The following SLC2A13 variants were observed in gnomAD, a reference collection of about 807,000 sequenced individuals.
SLC2A13 encodes solute carrier family 2 member 13, also known as proton myo-inositol cotransporter.
In SLC2A13, 32 loss-of-function variants were observed where a neutral mutation model predicts 64.4. That is an observed-to-expected ratio of 0.50 (90% CI 0.37 to 0.67). The LOEUF is 0.67. Among genes scored for constraint, SLC2A13 ranks in the 30% least tolerant of loss-of-function variants. SLC2A13 has a pLI of 0.00. For synonymous variants in SLC2A13, 338 were observed against 327.1 expected (o/e 1.03, Z -0.36); for missense variants, 743 against 829.2 (o/e 0.90, Z 1.28).
chr12:40,027,649 A>T (rs1466555513), intron 3 of SLC2A13, among the ~76,000 whole-genome samples: 1 of 152,254 alleles, frequency 6.6e-6, no homozygotes, highest in Non-Finnish European at 1.5e-5. Flanking sequence ...TCTCCCCTTG[A>T]GCTAACAATG....
chr12:40,082,519 G>A (rs567110856), intron 1 of SLC2A13, among the ~76,000 whole-genome samples: 2 of 152,350 alleles, frequency 1.3e-5, no homozygotes, highest in East Asian at 3.9e-4. Flanking sequence ...GCAAGCAGGT[G>A]TGGCCAGGCA....
At chr12:40,041,264 G>A (rs1948084796) in intron 2 of SLC2A13, among the ~76,000 whole-genome samples, 1 of 152,036 alleles carries the variant, frequency 6.6e-6, no homozygotes, top group African/African-American at 2.4e-5. Flanking sequence ...CCAAAGGCCG[G>A]CCTTCCCACT....
intron 1 of SLC2A13, among the ~76,000 whole-genome samples, chr12:40,083,531 A>G (rs1405079460): frequency 6.6e-6 from 1 of 152,172 alleles, no homozygotes; most frequent in East Asian, 1.9e-4. Flanking sequence ...CCATAGTGCT[A>G]TACTACTGCC....
At chr12:39,847,494 A>G (rs1943350002) in intron 6 of SLC2A13, among the ~76,000 whole-genome samples, 1 of 152,090 alleles carries the variant, frequency 6.6e-6, no homozygotes, top group African/African-American at 2.4e-5. Flanking sequence ...TTCAGCTGGG[A>G]AGAGCTGCTC....
At chr12:39,775,070 C>A (rs545122278) in intron 7 of SLC2A13, among the ~76,000 whole-genome samples, 6 of 152,266 alleles carry the variant, frequency 3.9e-5, no homozygotes, top group African/African-American at 1.2e-4. Context: ...TAGGAAACCA[C>A]TTAAATGGGA....
At chr12:39,998,049 T>C (rs1342559995) in intron 3 of SLC2A13, among the ~76,000 whole-genome samples, 1 of 152,106 alleles carries the variant, frequency 6.6e-6, no homozygotes, top group African/African-American at 2.4e-5. Flanking sequence ...GAAGTTATTA[T>C]ACAAAAAAGA....
chr12:39,811,030 A>G (rs927306360), intron 7 of SLC2A13, among the ~76,000 whole-genome samples: 7 of 152,118 alleles, frequency 4.6e-5, no homozygotes, highest in African/African-American at 1.4e-4. Flanking sequence ...TATCTGGTTT[A>G]ATTCACCAAT....
chr12:39,787,909 G>C lies in SLC2A13; in HGVS notation c.1446-23051C>G, dbSNP rs1941248164. 2.0e-5 allele frequency among the ~76,000 whole-genome samples: 3 copies of C among 152,118 alleles called. No individual in the cohort carries two copies. In the South Asian group the frequency reaches 6.2e-4, roughly 31 times the overall value. On this transcript the variant is annotated intron_variant, in intron 7 of 9. Transcript: ENST00000280871. Reference sequence around the variant, plus strand: ...ATGTAAAGAGTGGTATTGATGAAAAGAGCAGTATTGTCACCTACAAAATGT... The same window carrying C: ...ATGTAAAGAGTGGTATTGATGAAAACAGCAGTATTGTCACCTACAAAATGT...
intron 7 of SLC2A13, among the ~76,000 whole-genome samples, chr12:39,825,437 T>C (rs758737815): frequency 1.3e-5 from 2 of 152,188 alleles, no homozygotes; most frequent in Non-Finnish European, 2.9e-5. Context: ...CTATAAGAAG[T>C]GGACTTACTG....
intron 6 of SLC2A13, among the ~76,000 whole-genome samples, chr12:39,859,870 C>T (rs1477409282): frequency 6.6e-6 from 1 of 152,048 alleles, no homozygotes; most frequent in Non-Finnish European, 1.5e-5. Context: ...GAACTAGAGG[C>T]ATAGTCCCTT....
At chr12:40,024,455 C>T (rs1467426511) in intron 3 of SLC2A13, among the ~76,000 whole-genome samples, 1 of 152,198 alleles carries the variant, frequency 6.6e-6, no homozygotes, top group African/African-American at 2.4e-5. Flanking sequence ...AACAGTCTTC[C>T]CTCCAGTTCT....
At chr12:40,082,846 C>T (rs941109547) in intron 1 of SLC2A13, among the ~76,000 whole-genome samples, 1 of 152,182 alleles carries the variant, frequency 6.6e-6, no homozygotes, top group Non-Finnish European at 1.5e-5. Context: ...TTTCACTCGC[C>T]CATTCCCCAG....
intron 4 of SLC2A13, among the ~76,000 whole-genome samples, chr12:39,920,333 A>C (rs907785940): frequency 1.3e-5 from 2 of 152,132 alleles, no homozygotes; most frequent in South Asian, 2.1e-4. Flanking sequence ...GTTCTGAACA[A>C]CGTAGATGCC....
At chr12:40,091,439 T>C (rs1456605413) in intron 1 of SLC2A13, among the ~76,000 whole-genome samples, 1 of 152,192 alleles carries the variant, frequency 6.6e-6, no homozygotes, top group African/African-American at 2.4e-5. Context: ...AAAAGCTTAT[T>C]GCTAGACTTT....
At chr12:39,984,138 A>C (rs1219813611) in intron 3 of SLC2A13, among the ~76,000 whole-genome samples, 1 of 145,994 alleles carries the variant, frequency 6.8e-6, no homozygotes, top group Non-Finnish European at 1.5e-5. Flanking sequence ...ATGAGATCAC[A>C]TGGACACAGG....
At chr12:39,987,288 T>A (rs1223418709) in intron 3 of SLC2A13, among the ~76,000 whole-genome samples, 6 of 152,202 alleles carry the variant, frequency 3.9e-5, no homozygotes, top group Non-Finnish European at 8.8e-5. Context: ...ATGAGGTAAG[T>A]GCTGCAACTG....
intron 1 of SLC2A13, among the ~76,000 whole-genome samples, chr12:40,065,741 C>G (rs1250479491): frequency 6.6e-6 from 1 of 152,144 alleles, no homozygotes. Context: ...TACTTTATTA[C>G]AAAACATAAC....
chr12:39,823,724 C>A (rs1409091034), intron 7 of SLC2A13, among the ~76,000 whole-genome samples: 5 of 152,190 alleles, frequency 3.3e-5, no homozygotes, highest in Non-Finnish European at 5.9e-5. Context: ...GCTGGGACTA[C>A]AGGAATGTGC....
intron 4 of SLC2A13, among the ~76,000 whole-genome samples, chr12:39,895,514 T>TTATATA (rs777418112): frequency 1.1e-4 from 6 of 56,650 alleles, no homozygotes; most frequent in African/African-American, 4.6e-4. Flanking sequence ...AAAAAAAAAA[T>TTATATA]TATATATATA....
Sources: gnomAD v4.1 joint callset for allele counts (sites outside exome capture counted in the v4.1 genomes callset) on GRCh38, gnomAD v4.1.1 for gene constraint, MANE v1.5 for transcripts, NCBI Gene and HGNC (gene_info 2026-07-23, HGNC 2026-07-21) for gene names.